PDE10A: variants seen among roughly 807,000 people sequenced by gnomAD.
The protein encoded by PDE10A is phosphodiesterase 10A.
In PDE10A, 39 loss-of-function variants were observed where a neutral mutation model predicts 97.7. The ratio of observed to expected loss-of-function variants is 0.40; its 90% CI spans 0.31 to 0.52. The LOEUF is 0.52. PDE10A is among the 20% of genes least tolerant of loss of function. PDE10A has a pLI of 0.56. For missense variants in PDE10A, 731 were observed against 1,047.8 expected, an observed-to-expected ratio of 0.70 and a Z score of 4.17; for synonymous variants, 371 against 376.8, an observed-to-expected ratio of 0.98 and a Z score of 0.18.
chr6:165,898,573 C>T (rs540103825), intron 1 of PDE10A, among the ~76,000 whole-genome samples: 5 of 152,218 alleles, frequency 3.3e-5, no homozygotes, highest in Non-Finnish European at 7.4e-5. Context: ...CCAATCCTCA[C>T]CCCTCAGCCT....
chr6:165,408,558 G>A (rs1022577322), intron 13 of PDE10A, among the ~76,000 whole-genome samples: 2 of 152,028 alleles, frequency 1.3e-5, no homozygotes, highest in African/African-American at 2.4e-5. Context: ...ATAAAGAAAC[G>A]CGATGCTATC....
chr6:165,402,576 T>C (rs1036571743), intron 13 of PDE10A, among the ~76,000 whole-genome samples: 6 of 152,160 alleles, frequency 3.9e-5, no homozygotes, highest in Non-Finnish European at 8.8e-5. Flanking sequence ...TTGGAGTCAC[T>C]GTCCAAGTAG....
chr6:165,543,738 A>C (rs934312881), intron 1 of PDE10A, among the ~76,000 whole-genome samples, 170 bp from the exon 2 acceptor site: 2 of 152,200 alleles, frequency 1.3e-5, no homozygotes, highest in Non-Finnish European at 2.9e-5. Flanking sequence ...CAGAGTTTCT[A>C]CTGGGAGTGA....
intron 1 of PDE10A, among the ~76,000 whole-genome samples, chr6:165,616,510 T>C (rs550981233): frequency 6.6e-6 from 1 of 152,318 alleles, no homozygotes; most frequent in South Asian, 2.1e-4. Context: ...GGTGATCTTT[T>C]GTGGATTTTT....
intron 1 of PDE10A, among the ~76,000 whole-genome samples, chr6:165,798,548 G>A (rs745782407): frequency 2.6e-5 from 4 of 152,074 alleles, no homozygotes; most frequent in South Asian, 2.1e-4. Flanking sequence ...ATTTAACTCC[G>A]AAAACGGTAC....
intron 18 of PDE10A, among the ~76,000 whole-genome samples, chr6:165,359,351 TGAA>T (rs1242470333): frequency 6.6e-6 from 1 of 152,186 alleles, no homozygotes; most frequent in Non-Finnish European, 1.5e-5. Flanking sequence ...CCTCCTTTTT[TGAA>T]GAATGTTTCT....
chr6:165,649,374 G>C (rs1789564029), intron 1 of PDE10A, among the ~76,000 whole-genome samples: 1 of 152,066 alleles, frequency 6.6e-6, no homozygotes, highest in South Asian at 2.1e-4. Flanking sequence ...GTCAGTGAGG[G>C]GACAGCAAAG....
chr6:165,750,861 C>A (rs961111056), intron 1 of PDE10A, among the ~76,000 whole-genome samples: 1 of 150,752 alleles, frequency 6.6e-6, no homozygotes, highest in Non-Finnish European at 1.5e-5. Context: ...GCATGCAGGT[C>A]CTCCTGCAGT....
chr6:165,866,298 A>G (rs1163182602), intron 1 of PDE10A, among the ~76,000 whole-genome samples: 2 of 151,706 alleles, frequency 1.3e-5, no homozygotes. Context: ...ATATGACCAC[A>G]TCTGTTGAAG....
chr6:165,522,532 A>G (rs1782191739), intron 2 of PDE10A, among the ~76,000 whole-genome samples: 1 of 152,106 alleles, frequency 6.6e-6, no homozygotes, highest in Admixed American at 6.6e-5. Context: ...GTTCATCTCA[A>G]TAAACATACA....
rs570215302 is a variant in PDE10A at position 165,516,570 on chromosome 6, C to T, written c.994+26870G>A. ...AACAAAAGCCCTTAATGATCTGACA[C>T]CCTCTCACATGTTAAGCATACGAGG... is the stretch of plus-strand genomic sequence containing the variant. On this transcript the variant is annotated intron_variant, in intron 2 of 21. Transcript: ENST00000539869. 5.9e-5 allele frequency among the ~76,000 whole-genome samples: 9 copies of T among 152,280 alleles called. No homozygotes were observed. In the East Asian group the frequency reaches 1.7e-3, roughly 29 times the overall value.
intron 1 of PDE10A, among the ~76,000 whole-genome samples, chr6:165,744,906 G>A (rs751325501): frequency 1.3e-5 from 2 of 151,796 alleles, no homozygotes; most frequent in Non-Finnish European, 2.9e-5. Context: ...CCAGTAGTGA[G>A]ATTCCTGGCC....
chr6:165,532,083 A>C (rs899444531), intron 2 of PDE10A, among the ~76,000 whole-genome samples: 3 of 152,184 alleles, frequency 2.0e-5, no homozygotes, highest in Non-Finnish European at 4.4e-5. Flanking sequence ...TTTGAATTGA[A>C]CTGTCATGCT....
intron 1 of PDE10A, among the ~76,000 whole-genome samples, chr6:165,547,978 C>T (rs1391810664): frequency 5.3e-5 from 8 of 152,180 alleles, no homozygotes; most frequent in East Asian, 3.9e-4. Context: ...TGCCTATTCA[C>T]GCATATGTAT....
At position 165,883,039 on chromosome 6, in the gene PDE10A, C is replaced by T. The variant is rs1781529976; in HGVS notation, c.-615+104490G>A. Among the ~76,000 whole-genome samples the T allele has an allele frequency of 2.0e-5, 3 of 152,184 alleles. No homozygotes were observed. In the South Asian group the frequency reaches 6.2e-4, roughly 32 times the overall value. ...TTGCTCGAGGTCAGGAGTTTGAGAC[C>T]AGCTTGGCCAAAATGGTGAAACCCC... On this transcript the variant is annotated intron_variant, in intron 1 of 19. Transcript: ENST00000366882.
At chr6:165,807,772 C>G (rs1049496963) in intron 1 of PDE10A, among the ~76,000 whole-genome samples, 5 of 152,060 alleles carry the variant, frequency 3.3e-5, no homozygotes, top group Non-Finnish European at 7.3e-5. Flanking sequence ...GAAAGGTCAC[C>G]ACCCTTGGGC....
At chr6:165,594,015 T>C (rs1479128291) in intron 1 of PDE10A, among the ~76,000 whole-genome samples, 1 of 152,358 alleles carries the variant, frequency 6.6e-6, no homozygotes, top group African/African-American at 2.4e-5. Flanking sequence ...AATATTGTTT[T>C]ACAAAAATTA....
At chr6:165,881,999 G>A (rs965645246) in intron 1 of PDE10A, among the ~76,000 whole-genome samples, 4 of 152,168 alleles carry the variant, frequency 2.6e-5, no homozygotes, top group African/African-American at 9.7e-5. Context: ...ATTACTGATG[G>A]CAGCTGCCAG....
intron 1 of PDE10A, among the ~76,000 whole-genome samples, chr6:165,828,296 C>A (rs1333236238): frequency 6.6e-6 from 1 of 152,188 alleles, no homozygotes; most frequent in Non-Finnish European, 1.5e-5. Flanking sequence ...AAAAGAGTAA[C>A]CTCCTTGCTG....
Sources: gnomAD v4.1 joint callset for allele counts (sites outside exome capture counted in the v4.1 genomes callset) on GRCh38, gnomAD v4.1.1 for gene constraint, MANE v1.5 for transcripts, NCBI Gene and HGNC (gene_info 2026-07-23, HGNC 2026-07-21) for gene names.